CCDC102B: variants seen among roughly 807,000 people sequenced by gnomAD.
CCDC102B encodes the protein coiled-coil domain-containing protein 102B.
A neutral mutation model predicts 57.4 loss-of-function variants in CCDC102B; 75 were observed. That is an observed-to-expected ratio of 1.31 (90% confidence interval 1.08 to 1.58). CCDC102B has a LOEUF of 1.58. CCDC102B is among the 40% of genes most tolerant of loss of function. The probability of loss-of-function intolerance (pLI) is 0.00; values close to 1 mark genes in which losing one functional copy is unlikely to be tolerated. For synonymous variants in CCDC102B, 206 were observed against 201.9 expected (o/e 1.02, Z -0.17); for missense variants, 636 against 582.6 (o/e 1.09, Z -0.94).
intron 6 of CCDC102B, among the ~76,000 whole-genome samples, chr18:69,001,801 A>T (rs1164882010): frequency 6.6e-6 from 1 of 152,210 alleles, no homozygotes; most frequent in African/African-American, 2.4e-5. Flanking sequence ...AGGTGTAAGG[A>T]AGGAAAGAAG....
chr18:69,052,144 G>GA (rs1307174167), intron 7 of CCDC102B, among the ~76,000 whole-genome samples: 1 of 151,384 alleles, frequency 6.6e-6, no homozygotes, highest in Non-Finnish European at 1.5e-5. Context: ...AATATATACA[G>GA]AAAAAAAGAA....
At chr18:68,882,900 T>C (rs1281452335) in intron 5 of CCDC102B, among the ~76,000 whole-genome samples, 1 of 152,048 alleles carries the variant, frequency 6.6e-6, no homozygotes, top group Non-Finnish European at 1.5e-5. Flanking sequence ...GAAAACCAAA[T>C]ACTGCATATT....
chr18:68,726,795 T>C (rs966607474), intron 2 of CCDC102B, among the ~76,000 whole-genome samples: 1 of 152,180 alleles, frequency 6.6e-6, no homozygotes, highest in Admixed American at 6.5e-5. Flanking sequence ...TGATTATCTC[T>C]GAAACTGAGA....
chr18:69,040,710 T>C (rs2052414068), intron 7 of CCDC102B, among the ~76,000 whole-genome samples: 1 of 152,060 alleles, frequency 6.6e-6, no homozygotes, highest in South Asian at 2.1e-4. Context: ...TTTGTGACTA[T>C]GTGGCTATTG....
intron 4 of CCDC102B, among the ~76,000 whole-genome samples, chr18:68,855,522 T>A (rs2038342608): frequency 6.6e-6 from 1 of 152,216 alleles, no homozygotes; most frequent in African/African-American, 2.4e-5. Flanking sequence ...GTTAAGTGGC[T>A]TTTAATATAT....
chr18:68,725,907 A>G (rs1239953082), intron 2 of CCDC102B, among the ~76,000 whole-genome samples: 5 of 152,212 alleles, frequency 3.3e-5, no homozygotes, highest in African/African-American at 1.2e-4. Flanking sequence ...CCTCTTGACC[A>G]AATTCCTGTG....
intron 5 of CCDC102B, chr18:68,875,048 C>A: frequency 4.6e-6 from 1 of 217,474 alleles, no homozygotes; most frequent in African/African-American, 2.3e-5. Context: ...TCTTACTGTG[C>A]ATAAATATTT....
chr18:68,855,602 G>A (rs4105), intron 4 of CCDC102B, among the ~76,000 whole-genome samples: 98,851 of 152,050 alleles, frequency 0.65, 33,223 homozygotes, highest in Non-Finnish European at 0.73. Flanking sequence ...AGAACTCAGT[G>A]TATATGAATA....
intron 1 of CCDC102B, among the ~76,000 whole-genome samples, chr18:68,824,114 G>A (rs1242797877): frequency 6.6e-6 from 1 of 152,018 alleles, no homozygotes; most frequent in East Asian, 1.9e-4. Context: ...AGACTCAGCC[G>A]AAAATTATTT....
At chr18:68,935,036 G>A (rs945007838) in intron 6 of CCDC102B, among the ~76,000 whole-genome samples, 1 of 151,930 alleles carries the variant, frequency 6.6e-6, no homozygotes, top group Non-Finnish European at 1.5e-5. Context: ...CTGTAGTGAT[G>A]TGGGTGCATG....
At chr18:68,930,793 T>G (rs531579972) in intron 6 of CCDC102B, among the ~76,000 whole-genome samples, 1 of 151,930 alleles carries the variant, frequency 6.6e-6, no homozygotes, top group Non-Finnish European at 1.5e-5. Context: ...TTCAATAGGC[T>G]CTATGGTTAC....
intron 5 of CCDC102B, among the ~76,000 whole-genome samples, chr18:68,879,736 C>T (rs982878098): frequency 7.2e-5 from 11 of 152,136 alleles, no homozygotes; most frequent in Admixed American, 7.2e-4. Context: ...AAAGGTTCTC[C>T]AAGGCCCCAC....
At chr18:68,958,780 AACAG>A (rs1249446305) in intron 6 of CCDC102B, among the ~76,000 whole-genome samples, 5 of 152,094 alleles carry the variant, frequency 3.3e-5, no homozygotes, top group African/African-American at 9.7e-5. Flanking sequence ...CTCTGCTGTT[AACAG>A]ACAGTGATCC....
chr18:69,036,676 C>A (rs1042617397), intron 7 of CCDC102B, among the ~76,000 whole-genome samples: 1 of 151,824 alleles, frequency 6.6e-6, no homozygotes, highest in Non-Finnish European at 1.5e-5. Context: ...AAATGAATAC[C>A]CCTGCTGCAT....
intron 6 of CCDC102B, among the ~76,000 whole-genome samples, chr18:68,963,763 T>A (rs2050102759): frequency 6.6e-6 from 1 of 151,894 alleles, no homozygotes; most frequent in Non-Finnish European, 1.5e-5. Flanking sequence ...TTGTATCCAA[T>A]GGTTTACTCC....
intron 7 of CCDC102B, among the ~76,000 whole-genome samples, chr18:69,025,003 T>C (rs2051945408): frequency 1.3e-5 from 2 of 152,114 alleles, no homozygotes; most frequent in African/African-American, 4.8e-5. Flanking sequence ...GATTTTGTGG[T>C]GTTAATATAA....
chr18:68,790,133 A>G (rs1234966601), intron 2 of CCDC102B, among the ~76,000 whole-genome samples: 1 of 150,224 alleles, frequency 6.7e-6, no homozygotes, highest in Non-Finnish European at 1.5e-5. Flanking sequence ...CCTCCCAGTT[A>G]GGCTGCTCAG....
At chr18:69,039,851 T>C (rs2052386430) in intron 7 of CCDC102B, among the ~76,000 whole-genome samples, 1 of 149,840 alleles carries the variant, frequency 6.7e-6, no homozygotes, top group African/African-American at 2.5e-5. Context: ...TTAGAGGAAA[T>C]TAGAGGAAAA....
chr18:68,915,633 C>G (rs2041045279), intron 6 of CCDC102B, among the ~76,000 whole-genome samples: 1 of 152,100 alleles, frequency 6.6e-6, no homozygotes, highest in Admixed American at 6.5e-5. Flanking sequence ...ATTTGAGTGA[C>G]TATTTGTTAG....
Sources: allele counts gnomAD v4.1 joint callset (sites outside exome capture counted in the v4.1 genomes callset), GRCh38; gene constraint gnomAD v4.1.1; transcripts MANE v1.5; gene names NCBI Gene and HGNC (gene_info 2026-07-23, HGNC 2026-07-21).